The following HPSE2 variants were observed in gnomAD, a reference collection of about 807,000 sequenced individuals.
The protein encoded by HPSE2 is inactive heparanase-2.
A neutral mutation model predicts 60.5 loss-of-function variants in HPSE2; 38 were observed. That is an observed-to-expected ratio of 0.63 (90% CI 0.48 to 0.82). The LOEUF (loss-of-function observed/expected upper bound fraction) is 0.82. HPSE2 is among the 40% of genes least tolerant of loss of function. HPSE2 has a pLI of 0.00. For missense variants in HPSE2, 713 were observed against 740.4 expected (o/e 0.96, Z 0.43); for synonymous variants, 295 against 293.2 (o/e 1.01, Z -0.06).
At chr10:99,228,890 G>A (rs748864721) in intron 2 of HPSE2, among the ~76,000 whole-genome samples, 1 of 151,922 alleles carries the variant, frequency 6.6e-6, no homozygotes, top group Non-Finnish European at 1.5e-5. Context: ...AAATCACATC[G>A]GGGCCAGGCA....
intron 7 of HPSE2, among the ~76,000 whole-genome samples, chr10:98,621,329 C>T (rs1271302202): frequency 1.3e-5 from 2 of 151,892 alleles, no homozygotes; most frequent in African/African-American, 2.4e-5. Context: ...AACTTCCTGT[C>T]GAAAGGTGGC....
intron 2 of HPSE2, among the ~76,000 whole-genome samples, chr10:99,205,360 G>A (rs540007014): frequency 3.3e-5 from 5 of 152,172 alleles, no homozygotes; most frequent in South Asian, 2.1e-4. Flanking sequence ...AGGCTGAGGC[G>A]AGTGGATCAT....
At chr10:99,039,308 C>T (rs1170158470) in intron 3 of HPSE2, among the ~76,000 whole-genome samples, 1 of 152,054 alleles carries the variant, frequency 6.6e-6, no homozygotes, top group African/African-American at 2.4e-5. Context: ...TGAGTAGATA[C>T]ATAGATCTAA....
intron 3 of HPSE2, chr10:99,013,474 A>T: frequency 2.5e-6 from 1 of 397,700 alleles, no homozygotes; most frequent in Non-Finnish European, 4.8e-6. Flanking sequence ...TATGATTATG[A>T]TTATTATTAT....
chr10:98,672,479 G>A (rs922366380), intron 6 of HPSE2, among the ~76,000 whole-genome samples: 1 of 152,194 alleles, frequency 6.6e-6, no homozygotes, highest in Non-Finnish European at 1.5e-5. Flanking sequence ...CAAGCTATGA[G>A]TTTCAAAGAT....
At chr10:99,067,879 A>G (rs1260461679) in intron 3 of HPSE2, among the ~76,000 whole-genome samples, 2 of 152,210 alleles carry the variant, frequency 1.3e-5, no homozygotes, top group Admixed American at 1.3e-4. Context: ...TTGCATTGTC[A>G]GGCTACAAAT....
At chr10:98,743,228 C>T (rs1319613073) in intron 4 of HPSE2, among the ~76,000 whole-genome samples, 3 of 152,158 alleles carry the variant, frequency 2.0e-5, no homozygotes, top group Admixed American at 6.5e-5. Context: ...ACCTAGGCCT[C>T]CCAAAGTGCT....
intron 3 of HPSE2, among the ~76,000 whole-genome samples, chr10:98,769,488 T>C (rs1274366375): frequency 6.6e-6 from 1 of 152,208 alleles, no homozygotes; most frequent in East Asian, 1.9e-4. Context: ...ACTGAGCCTG[T>C]GATAAAGCAG....
chr10:99,157,332 C>G (rs1238200131), intron 2 of HPSE2, among the ~76,000 whole-genome samples: 2 of 76,824 alleles, frequency 2.6e-5, no homozygotes, highest in Non-Finnish European at 5.6e-5. Flanking sequence ...GGAGGCATCA[C>G]GCTACCTGAC....
At chr10:98,960,717 T>A (rs1564692629) in intron 3 of HPSE2, among the ~76,000 whole-genome samples, 8 of 21,938 alleles carry the variant, frequency 3.6e-4, no homozygotes, top group African/African-American at 1.4e-3. Context: ...TTTTTTTTTT[T>A]TTTGTTTTAT....
chr10:98,722,520 T>C (rs905170159), intron 4 of HPSE2, among the ~76,000 whole-genome samples: 16 of 152,136 alleles, frequency 1.1e-4, no homozygotes, highest in African/African-American at 3.1e-4. Flanking sequence ...TAATTTGTTA[T>C]GGCAAGCGTA....
At chr10:98,724,853 CAGAG>C (rs1170189831) in intron 4 of HPSE2, among the ~76,000 whole-genome samples, 1 of 152,050 alleles carries the variant, frequency 6.6e-6, no homozygotes, top group Non-Finnish European at 1.5e-5. Flanking sequence ...AACAGACAAA[CAGAG>C]AGCCAAATCA....
At chr10:98,661,460 C>T (rs1947223067) in intron 6 of HPSE2, among the ~76,000 whole-genome samples, 1 of 152,166 alleles carries the variant, frequency 6.6e-6, no homozygotes, top group Admixed American at 6.5e-5. Context: ...CTTTATTTCC[C>T]TCCTTGGAGG....
intron 3 of HPSE2, among the ~76,000 whole-genome samples, chr10:99,102,563 G>T (rs1234462918): frequency 2.0e-5 from 3 of 152,174 alleles, no homozygotes; most frequent in Non-Finnish European, 2.9e-5. Flanking sequence ...ACAAGGAGGA[G>T]CTGGTACCAT....
chr10:99,173,712 G>T (rs1022471250), intron 2 of HPSE2, among the ~76,000 whole-genome samples: 1 of 152,126 alleles, frequency 6.6e-6, no homozygotes, highest in Admixed American at 6.5e-5. Flanking sequence ...GGGAGGCTAA[G>T]GCAGGCAGAT....
intron 3 of HPSE2, among the ~76,000 whole-genome samples, chr10:98,793,586 G>C (rs919649712): frequency 2.6e-5 from 4 of 152,188 alleles, no homozygotes; most frequent in Non-Finnish European, 4.4e-5. Context: ...TGGGATGAGG[G>C]AAGTAACAGG....
At chr10:98,478,613 T>C (rs540911021) in intron 11 of HPSE2, among the ~76,000 whole-genome samples, 4 of 152,332 alleles carry the variant, frequency 2.6e-5, no homozygotes, top group Non-Finnish European at 5.9e-5. Flanking sequence ...GTGAAATCTA[T>C]CTCTTTTAAA....
chr10:98,814,370 T>G (rs1951237635), intron 3 of HPSE2, among the ~76,000 whole-genome samples: 1 of 152,200 alleles, frequency 6.6e-6, no homozygotes, highest in African/African-American at 2.4e-5. Context: ...AGAGCCAATC[T>G]CTATAACTTG....
chr10:99,132,817 C>A (rs896875793), intron 3 of HPSE2, among the ~76,000 whole-genome samples: 50 of 152,174 alleles, frequency 3.3e-4, no homozygotes, highest in African/African-American at 1.2e-3. Context: ...GCCATTTGGG[C>A]AGATAACGAA....
Sources: gnomAD v4.1 joint callset for allele counts (sites outside exome capture counted in the v4.1 genomes callset) on GRCh38, gnomAD v4.1.1 for gene constraint, MANE v1.5 for transcripts, NCBI Gene and HGNC (gene_info 2026-07-23, HGNC 2026-07-21) for gene names.